Variants in WDR70 observed in about 807,000 individuals in gnomAD.
The protein encoded by WDR70 is WD repeat-containing protein 70.
A neutral mutation model predicts 88.6 loss-of-function variants in WDR70; 53 were observed. That is an observed-to-expected ratio of 0.60 (90% confidence interval 0.48 to 0.75). The LOEUF (loss-of-function observed/expected upper bound fraction) is 0.75. Ranked by LOEUF, WDR70 falls within the 30% of genes least tolerant of loss-of-function variation. The pLI is 0.00. For missense variants in WDR70, 610 were observed against 823.2 expected (o/e 0.74, Z 3.17); for synonymous variants, 280 against 270.0 (o/e 1.04, Z -0.36).
At chr5:37,556,097 C>T (rs1742287736) in intron 9 of WDR70, among the ~76,000 whole-genome samples, 1 of 151,446 alleles carries the variant, frequency 6.6e-6, no homozygotes, top group African/African-American at 2.4e-5. Flanking sequence ...TTGTTAAATA[C>T]CTTACATATG....
At chr5:37,390,010 C>T (rs1356197429) in intron 3 of WDR70, among the ~76,000 whole-genome samples, 9 of 152,122 alleles carry the variant, frequency 5.9e-5, no homozygotes, top group African/African-American at 2.2e-4. Context: ...GTGTCCTTTG[C>T]TGCTGCTCAA....
intron 10 of WDR70, among the ~76,000 whole-genome samples, chr5:37,680,828 G>T (rs1054216983): frequency 2.0e-5 from 3 of 152,180 alleles, no homozygotes; most frequent in Non-Finnish European, 4.4e-5. Context: ...GAGTTGGGTA[G>T]TGTGATGCAT....
intron 8 of WDR70, among the ~76,000 whole-genome samples, chr5:37,488,783 A>T (rs1258931301): frequency 6.6e-6 from 1 of 151,852 alleles, no homozygotes; most frequent in Non-Finnish European, 1.5e-5. Flanking sequence ...TTTTTCAGAC[A>T]TTTCATATTT....
intron 9 of WDR70, among the ~76,000 whole-genome samples, chr5:37,583,376 G>A (rs971509779): frequency 1.3e-5 from 2 of 150,920 alleles, no homozygotes; most frequent in African/African-American, 4.9e-5. Context: ...AGCCGAGATG[G>A]CGCCACTGCA....
chr5:37,747,173 A>T (rs983619341), intron 17 of WDR70, among the ~76,000 whole-genome samples: 1 of 152,198 alleles, frequency 6.6e-6, no homozygotes, highest in Admixed American at 6.5e-5. Flanking sequence ...CAAAAACCAA[A>T]AACATATTTA....
intron 5 of WDR70, among the ~76,000 whole-genome samples, chr5:37,405,317 G>A (rs185514471): frequency 6.6e-6 from 1 of 152,012 alleles, no homozygotes; most frequent in Admixed American, 6.6e-5. Context: ...TCTAGATTGT[G>A]GGAATGAGGA....
At chr5:37,498,119 G>A (rs568046133) in intron 8 of WDR70, among the ~76,000 whole-genome samples, 2 of 152,244 alleles carry the variant, frequency 1.3e-5, no homozygotes, top group South Asian at 4.2e-4. Context: ...ACTGCACCCG[G>A]CTGGTTGCAC....
At chr5:37,499,178 G>A (rs1740320943) in intron 8 of WDR70, among the ~76,000 whole-genome samples, 1 of 151,346 alleles carries the variant, frequency 6.6e-6, no homozygotes, top group African/African-American at 2.4e-5. Flanking sequence ...CAGTGGTGCA[G>A]TCTCGGCTCA....
chr5:37,700,941 C>T, intron 11 of WDR70, 117 bp from the exon 12 acceptor site: 2 of 615,104 alleles, frequency 3.3e-6, no homozygotes, highest in Non-Finnish European at 5.8e-6. Flanking sequence ...TTCTCCCCTT[C>T]CCCTTCCCTT....
chr5:37,456,709 C>T (rs185789662), intron 7 of WDR70, among the ~76,000 whole-genome samples: 138 of 152,178 alleles, frequency 9.1e-4, no homozygotes, highest in Middle Eastern at 3.4e-3. Flanking sequence ...ATTACTTTTA[C>T]AACTTACAAA....
In WDR70 at chr5:37,479,824, T is replaced by C. The variant is rs1453603270; in HGVS notation, c.687-10T>C. On this transcript the variant is annotated splice_polypyrimidine_tract_variant and intron_variant, in intron 7 of 17. Transcript: ENST00000265107. ...AGTATCTTACCAACTTTCCTTTTCT[T>C]TTCGTACAGCCATCAGATCAAGTCA... 3 of 1,602,834 alleles carry C rather than the reference T, an allele frequency of 1.9e-6. No individual in the cohort carries two copies. Among genetic ancestry groups the C allele is most frequent in the Non-Finnish European group, 2.6e-6 (3 of 1,176,136 alleles).
chr5:37,514,192 T>G (rs1740807076), intron 8 of WDR70, among the ~76,000 whole-genome samples: 1 of 150,804 alleles, frequency 6.6e-6, no homozygotes, highest in Admixed American at 6.6e-5. Flanking sequence ...TTTTTATTTT[T>G]AGTTTTTGTA....
At chr5:37,476,582 G>A (rs951440973) in intron 7 of WDR70, among the ~76,000 whole-genome samples, 7 of 148,100 alleles carry the variant, frequency 4.7e-5, no homozygotes, top group Non-Finnish European at 1.0e-4. Context: ...ACGGAGTCTC[G>A]CTCTGTCACC....
intron 9 of WDR70, among the ~76,000 whole-genome samples, chr5:37,527,382 A>G (rs1403768234): frequency 2.0e-5 from 3 of 152,232 alleles, no homozygotes; most frequent in African/African-American, 7.2e-5. Context: ...AGAAATGGGG[A>G]AAGGATTCCC....
intron 3 of WDR70, among the ~76,000 whole-genome samples, chr5:37,389,746 A>T (rs968888918): frequency 2.6e-5 from 4 of 152,020 alleles, no homozygotes; most frequent in East Asian, 1.9e-4. Context: ...GCTTTTTTTT[A>T]AATTTTTTCC....
At chr5:37,621,536 G>A (rs1242131871) in intron 10 of WDR70, among the ~76,000 whole-genome samples, 1 of 152,176 alleles carries the variant, frequency 6.6e-6, no homozygotes, top group Non-Finnish European at 1.5e-5. Context: ...CTTTTGAGAA[G>A]TGTCTGTTCA....
At chr5:37,559,325 G>A (rs1351359671) in intron 9 of WDR70, among the ~76,000 whole-genome samples, 3 of 151,924 alleles carry the variant, frequency 2.0e-5, no homozygotes, top group Non-Finnish European at 2.9e-5. Flanking sequence ...TTATCATATC[G>A]AATTTATTCT....
intron 5 of WDR70, among the ~76,000 whole-genome samples, chr5:37,413,169 T>A (rs573139642): frequency 3.0e-4 from 45 of 152,092 alleles, no homozygotes; most frequent in African/African-American, 9.9e-4. Context: ...TTCCTTAGGG[T>A]TTCGAAACTG....
At chr5:37,696,446 G>A (rs575025032) in intron 10 of WDR70, among the ~76,000 whole-genome samples, 142 of 152,304 alleles carry the variant, frequency 9.3e-4, no homozygotes, top group African/African-American at 3.3e-3. Context: ...AAGTACATGA[G>A]CTCTGTTTTG....
Sources: allele counts gnomAD v4.1 joint callset (sites outside exome capture counted in the v4.1 genomes callset), GRCh38; gene constraint gnomAD v4.1.1; transcripts MANE v1.5; gene names NCBI Gene and HGNC (gene_info 2026-07-23, HGNC 2026-07-21).